The following TRAPPC9 variants were observed in gnomAD, a reference collection of about 807,000 sequenced individuals.
TRAPPC9 encodes trafficking protein particle complex subunit 9.
In TRAPPC9, 83 loss-of-function variants were observed where a neutral mutation model predicts 124.0. That is an observed-to-expected ratio of 0.67 (90% CI 0.56 to 0.80). The LOEUF is 0.80. Among genes scored for constraint, TRAPPC9 ranks in the 30% least tolerant of loss-of-function variants. The pLI is 0.00. For missense variants in TRAPPC9, 1,302 were observed against 1,508.3 expected, an observed-to-expected ratio of 0.86 and a Z score of 2.27; for synonymous variants, 638 against 617.5, an observed-to-expected ratio of 1.03 and a Z score of -0.49.
chr8:140,349,741 C>A (rs1465128321), intron 9 of TRAPPC9, among the ~76,000 whole-genome samples: 1 of 152,182 alleles, frequency 6.6e-6, no homozygotes. Context: ...TCAACATCCG[C>A]CCCCTTCCAG....
chr8:139,950,572 T>C (rs1225255825), intron 19 of TRAPPC9, among the ~76,000 whole-genome samples: 1 of 152,208 alleles, frequency 6.6e-6, no homozygotes, highest in Non-Finnish European at 1.5e-5. Context: ...GTTGCCGCTG[T>C]GAGGCATAAC....
chr8:140,108,445 C>T (rs1333912418), intron 17 of TRAPPC9, among the ~76,000 whole-genome samples: 5 of 152,222 alleles, frequency 3.3e-5, no homozygotes, highest in African/African-American at 1.2e-4. Flanking sequence ...TAGTCCCTGA[C>T]ACAGAGAAGG....
At chr8:139,905,429 C>G (rs376038900) in intron 20 of TRAPPC9, among the ~76,000 whole-genome samples, 1 of 152,196 alleles carries the variant, frequency 6.6e-6, no homozygotes, top group Admixed American at 6.5e-5. Flanking sequence ...CTGGCGTGTG[C>G]GTGACAGGAA....
intron 19 of TRAPPC9, among the ~76,000 whole-genome samples, chr8:139,979,208 A>C (rs972496712): frequency 1.3e-5 from 2 of 151,898 alleles, no homozygotes; most frequent in Non-Finnish European, 2.9e-5. Context: ...CCTCTGAAAA[A>C]TCTCCTGCTG....
At chr8:139,891,634 C>T (rs908438326) in intron 20 of TRAPPC9, among the ~76,000 whole-genome samples, 1 of 152,200 alleles carries the variant, frequency 6.6e-6, no homozygotes, top group Non-Finnish European at 1.5e-5. Flanking sequence ...CCCTGCTCCC[C>T]GCTGGGGCTC....
chr8:140,252,680 T>A lies in TRAPPC9; in HGVS notation c.2431+97A>T. 7.0e-7 allele frequency: 1 copy of A among 1,434,618 alleles called. No individual in the cohort carries two copies. The highest frequency in any genetic ancestry group is 9.7e-7 in the Non-Finnish European group (1 of 1,030,934). The allele number at this position is 1,434,618 out of a possible 1,614,324, so 88.9% of individuals were successfully genotyped here. ...GCAGCTTGAGTTAATGAATGACAAGTGAGTTACAAACAGCAAACAGCAGGC... is the reference window on the plus strand; with the variant it reads ...GCAGCTTGAGTTAATGAATGACAAGAGAGTTACAAACAGCAAACAGCAGGC... On this transcript the variant is annotated intron_variant, in intron 16 of 22. Transcript: ENST00000438773. This position sits in a 1 kb window ranked among gnomAD's most constrained non-coding sequence, Gnocchi z 4.2.
Position 140,138,005 on chromosome 8 carries a change from T to C in TRAPPC9, c.2556+83454A>G, listed in dbSNP as rs548256062. ...TACTGTCATCTTATTAAAGCAATAA[T>C]TAAAATAGCAGCTGACCGGGTGCAC... is the stretch of plus-strand genomic sequence containing the variant. On this transcript the variant is annotated intron_variant, in intron 17 of 22. Coordinates refer to ENST00000438773, the MANE Select transcript of TRAPPC9 (RefSeq NM_001160372.4). Among the ~76,000 whole-genome samples the C allele has an allele frequency of 3.3e-5, 5 of 152,296 alleles. No homozygotes were observed. In the East Asian group the frequency reaches 7.7e-4, roughly 24 times the overall value.
chr8:140,089,500 T>G (rs1844424598), intron 17 of TRAPPC9, among the ~76,000 whole-genome samples: 1 of 152,098 alleles, frequency 6.6e-6, no homozygotes, highest in South Asian at 2.1e-4. Context: ...CCATACAAAT[T>G]TATGCCAGGT....
At chr8:139,965,649 A>G (rs2614730) in intron 19 of TRAPPC9, among the ~76,000 whole-genome samples, 133,139 of 152,064 alleles carry the variant, frequency 0.88, 58,469 homozygotes, top group East Asian at 0.98. Flanking sequence ...TTTCCATCCC[A>G]TATCCATTCA....
upstream of TRAPPC9, chr8:140,457,745 G>A (rs1338681995): frequency 2.0e-6 from 2 of 994,400 alleles, no homozygotes; most frequent in South Asian, 8.8e-5. Context: ...GCTTCCTACT[G>A]GCGGCCGAGC....
chr8:139,851,319 A>G (rs1258442541), intron 21 of TRAPPC9, among the ~76,000 whole-genome samples: 4 of 152,182 alleles, frequency 2.6e-5, no homozygotes, highest in Admixed American at 1.3e-4. Flanking sequence ...TCCCCGTGTC[A>G]CCATGCTACT....
chr8:140,363,709 T>C (rs948939785), intron 8 of TRAPPC9, among the ~76,000 whole-genome samples: 7 of 152,086 alleles, frequency 4.6e-5, no homozygotes, highest in Non-Finnish European at 5.9e-5. Context: ...GCAATTCTCC[T>C]GCCTCAGCCT....
intron 19 of TRAPPC9, among the ~76,000 whole-genome samples, chr8:139,954,891 T>C (rs967067871): frequency 1.3e-5 from 2 of 152,228 alleles, no homozygotes; most frequent in Non-Finnish European, 2.9e-5. Flanking sequence ...CAGCTGTCCA[T>C]ATACGTTCAC....
chr8:139,991,757 G>T (rs1334890122), intron 18 of TRAPPC9, among the ~76,000 whole-genome samples: 1 of 151,998 alleles, frequency 6.6e-6, no homozygotes, highest in Non-Finnish European at 1.5e-5. Context: ...AGCTATTTTG[G>T]GAATCTGTAG....
At chr8:139,924,515 C>T (rs1380490756) in intron 19 of TRAPPC9, among the ~76,000 whole-genome samples, 1 of 152,242 alleles carries the variant, frequency 6.6e-6, no homozygotes, top group African/African-American at 2.4e-5. Flanking sequence ...TGCCTGGGAA[C>T]CGTCAACGCA....
At chr8:140,370,626 T>C (rs1245250411) in intron 8 of TRAPPC9, among the ~76,000 whole-genome samples, 2 of 152,246 alleles carry the variant, frequency 1.3e-5, no homozygotes, top group Non-Finnish European at 2.9e-5. Context: ...ATATTTATTC[T>C]GGGTTCATTG....
intron 9 of TRAPPC9, among the ~76,000 whole-genome samples, chr8:140,352,710 C>T (rs2067623778): frequency 6.6e-6 from 1 of 152,184 alleles, no homozygotes; most frequent in South Asian, 2.1e-4. Context: ...ACCCCTTCCC[C>T]AGGCCAGTCA....
intron 16 of TRAPPC9, among the ~76,000 whole-genome samples, chr8:140,245,464 GGT>G (rs35366571): frequency 0.36 from 53,803 of 149,916 alleles, 9,959 homozygotes; most frequent in African/African-American, 0.48. Context: ...TTTGTTTTGT[GGT>G]GTGTGTGTGT....
At chr8:139,734,907 C>A (rs1284264893) in intron 21 of TRAPPC9, among the ~76,000 whole-genome samples, 1 of 152,226 alleles carries the variant, frequency 6.6e-6, no homozygotes. Context: ...TAGTGTTTTT[C>A]AAGGCTATGA....
Sources: allele counts gnomAD v4.1 joint callset (sites outside exome capture counted in the v4.1 genomes callset), GRCh38; gene constraint gnomAD v4.1.1; non-coding constraint Gnocchi (gnomAD v3.1); transcripts MANE v1.5; gene names NCBI Gene and HGNC (gene_info 2026-07-23, HGNC 2026-07-21).